OGG1: variants seen among roughly 807,000 people sequenced by gnomAD.
The protein encoded by OGG1 is N-glycosylase/DNA lyase.
In OGG1, 35 loss-of-function variants were observed where a neutral mutation model predicts 42.3. The ratio of observed to expected loss-of-function variants is 0.83; its 90% confidence interval spans 0.63 to 1.10. The LOEUF (loss-of-function observed/expected upper bound fraction) is 1.10. Ranked by LOEUF, OGG1 falls within the 50% of genes least tolerant of loss-of-function variation. The pLI, the probability that OGG1 is intolerant of heterozygous loss-of-function variation, is 0.00. For synonymous variants in OGG1, 189 were observed against 179.0 expected (o/e 1.06, Z -0.44); for missense variants, 484 against 446.7 (o/e 1.08, Z -0.75).
At chr3:9,761,569 T>C, downstream of OGG1, 1 of 1,613,074 alleles carries the variant, frequency 6.2e-7, no homozygotes, top group Non-Finnish European at 8.5e-7. Flanking sequence ...TGGTGACAAA[T>C]CTCTGCCCTT....
downstream of OGG1, chr3:9,760,344 G>T: frequency 3.5e-6 from 1 of 287,126 alleles, no homozygotes; most frequent in Non-Finnish European, 6.7e-6. Flanking sequence ...TCTTAATAGG[G>T]GGCACAAAAG....
chr3:9,770,170 A>G (rs571503099), downstream of OGG1, among the ~76,000 whole-genome samples: 1 of 152,330 alleles, frequency 6.6e-6, no homozygotes, highest in Admixed American at 6.5e-5. Flanking sequence ...AGAGGGGACA[A>G]CTGAGGCCCG....
chr3:9,764,087 C>T (rs1288575210), intron 7 of OGG1, among the ~76,000 whole-genome samples: 1 of 152,206 alleles, frequency 6.6e-6, no homozygotes, highest in African/African-American at 2.4e-5. Context: ...TTGCTTGCCA[C>T]TGTTCCTCCA....
At position 9,750,162 on chromosome 3, in the gene OGG1, G is replaced by T. The variant is rs1301897056; in HGVS notation, c.-125G>T. On this transcript the variant is annotated 5_prime_UTR_variant, in exon 1 of 7. Coordinates refer to ENST00000344629, the MANE Select transcript of OGG1 (RefSeq NM_002542.6). ...GGAATTAAGTGAAACAGGGAAGGTT[G>T]TTAAACAGCACCGTGTGGGCGAGGC... The T allele has an allele frequency of 7.9e-7, 1 of 1,263,402 alleles. No homozygotes were observed. The highest frequency in any genetic ancestry group is 1.4e-5 in the South Asian group (1 of 70,240). 78.3% of individuals were successfully genotyped at this position (1,263,402 alleles called of 1,614,324 possible). A position where few individuals can be genotyped will look rare whatever the true frequency, so the allele number is the denominator to read the frequency against.
chr3:9,758,057 CTA>C (rs763491535), downstream of OGG1: 2 of 622,302 alleles, frequency 3.2e-6, no homozygotes, highest in Non-Finnish European at 5.2e-6. Context: ...GTATGTGTAT[CTA>C]TATATATAAA....
At chr3:9,780,185 C>T in intron 2 of OGG1, 1 of 611,152 alleles carries the variant, frequency 1.6e-6, no homozygotes, top group Admixed American at 3.2e-5. Flanking sequence ...CTTCCTGTGT[C>T]CTGGTTGTAC....
downstream of OGG1, chr3:9,757,718 C>T: frequency 1.2e-6 from 2 of 1,614,106 alleles, no homozygotes; most frequent in Non-Finnish European, 1.7e-6. This position sits in a 1 kb window ranked among gnomAD's most constrained non-coding sequence, Gnocchi z 4.5. Context: ...TCTGCAGAGC[C>T]CGCTCCTCAC....
At chr3:9,750,515 T>C (rs2077251044) in intron 1 of OGG1, 92 bp downstream of exon 1, 4 of 1,566,366 alleles carry the variant, frequency 2.6e-6, no homozygotes, top group Admixed American at 1.8e-5. Flanking sequence ...ATTTGGGGGA[T>C]GATGGAAGAA....
chr3:9,772,986 G>A (rs2078320078), intron 2 of OGG1, among the ~76,000 whole-genome samples: 1 of 152,098 alleles, frequency 6.6e-6, no homozygotes, highest in African/African-American at 2.4e-5. Context: ...GGCCAGGCGT[G>A]GGGAGGCCAA....
downstream of OGG1, chr3:9,770,069 G>A (rs913335558): frequency 1.3e-5 from 2 of 152,488 alleles, no homozygotes; most frequent in African/African-American, 4.8e-5. Flanking sequence ...GGCTGGGGAA[G>A]GGGCACGGGT....
intron 1 of OGG1, 101 bp downstream of exon 1, chr3:9,750,524 A>C (rs1199330052): frequency 1.3e-6 from 2 of 1,533,918 alleles, no homozygotes; most frequent in Non-Finnish European, 1.8e-6. Flanking sequence ...ATGATGGAAG[A>C]AACCCGGGGT....
chr3:9,766,047 A>T (rs764926704), exon 8 of OGG1: 5 of 1,600,712 alleles, frequency 3.1e-6, no homozygotes, highest in Non-Finnish European at 4.3e-6. Context: ...AGAGATGGTC[A>T]CATGACCCAG....
At position 9,754,754 on chromosome 3, in the gene OGG1, C is replaced by G. The variant is rs202182784; in HGVS notation, c.616C>G (p.Arg206Gly). ...LRKLGLGYRA[R>G]YVSASARAIL... ...GAAGCTGGGCCTGGGCTATCGTGCCCGTTACGTGAGTGCCAGTGCCCGAGC... is the reference window on the plus strand; with the variant it reads ...GAAGCTGGGCCTGGGCTATCGTGCCGGTTACGTGAGTGCCAGTGCCCGAGC... Residue 206 changes from arginine (R) to glycine (G), a missense_variant, in exon 4 of 7, where the codon CGT becomes GGT. Physicochemically the swap from Arg to Gly is moderately radical, Grantham distance 125. Transcript: ENST00000344629. 1.9e-6 allele frequency: 3 copies of G among 1,614,150 alleles called. No individual in the cohort carries two copies. The highest frequency in any genetic ancestry group is 1.1e-5 in the South Asian group (1 of 91,056).
chr3:9,769,621 C>A (rs1439317617), downstream of OGG1, among the ~76,000 whole-genome samples: 12 of 152,234 alleles, frequency 7.9e-5, no homozygotes, highest in Non-Finnish European at 1.6e-4. Flanking sequence ...AGGCCCCCTT[C>A]TCTATTACCC....
At chr3:9,776,453 G>A (rs1277835021) in intron 2 of OGG1, among the ~76,000 whole-genome samples, 3 of 144,018 alleles carry the variant, frequency 2.1e-5, no homozygotes, top group Non-Finnish European at 4.5e-5. Context: ...GCAGTGGCGC[G>A]ATCTCGGCTC....
At chr3:9,761,967 C>T (rs1373848218), downstream of OGG1, 4 of 621,338 alleles carry the variant, frequency 6.4e-6, no homozygotes, top group Non-Finnish European at 1.1e-5. Flanking sequence ...GGAACTGTCT[C>T]TAAACCTCAG....
At chr3:9,761,919 A>C, downstream of OGG1, 1 of 1,073,648 alleles carries the variant, frequency 9.3e-7, no homozygotes. Flanking sequence ...AGAAGGCCAA[A>C]AATTCCAGGA....
intron 1 of OGG1, chr3:9,750,724 G>A (rs1559679512): frequency 2.9e-6 from 2 of 701,726 alleles, no homozygotes; most frequent in Non-Finnish European, 4.8e-6. Context: ...TCGACCCCCC[G>A]GGCGCAGCCT....
intron 5 of OGG1, 55 bp downstream of exon 5, chr3:9,756,676 C>G: frequency 1.2e-6 from 2 of 1,612,254 alleles, no homozygotes; most frequent in Admixed American, 1.7e-5. Flanking sequence ...AGAAACTTCT[C>G]TCTCTCTTAG....
Sources: allele counts gnomAD v4.1 joint callset (sites outside exome capture counted in the v4.1 genomes callset), GRCh38; gene constraint gnomAD v4.1.1; non-coding constraint Gnocchi (gnomAD v3.1); transcripts MANE v1.5; gene names NCBI Gene and HGNC (gene_info 2026-07-23, HGNC 2026-07-21).